SORCS1: variants seen among roughly 807,000 people sequenced by gnomAD.
The protein encoded by SORCS1 is sortilin related VPS10 domain containing receptor 1, also known as VPS10 domain-containing receptor SorCS1.
In SORCS1, 60 loss-of-function variants were observed where a neutral mutation model predicts 146.1. That is an observed-to-expected ratio of 0.41 (90% CI 0.33 to 0.51). The LOEUF is 0.51. Among genes scored for constraint, SORCS1 ranks in the 20% least tolerant of loss-of-function variants. The pLI is 0.21. For missense variants in SORCS1, 1,352 were observed against 1,487.6 expected (o/e 0.91, Z 1.50); for synonymous variants, 637 against 584.0 (o/e 1.09, Z -1.31).
chr10:106,837,792 GT>G (rs925928481), intron 2 of SORCS1, among the ~76,000 whole-genome samples: 3 of 151,576 alleles, frequency 2.0e-5, no homozygotes, highest in Non-Finnish European at 4.4e-5. Flanking sequence ...ACTTGGAAAG[GT>G]TTTTTTCCAG....
intron 1 of SORCS1, among the ~76,000 whole-genome samples, chr10:107,044,260 A>G (rs1422946559): frequency 6.6e-6 from 1 of 152,110 alleles, no homozygotes; most frequent in African/African-American, 2.4e-5. Context: ...TAAACAAGAA[A>G]ACAAGGAAAA....
intron 1 of SORCS1, among the ~76,000 whole-genome samples, chr10:107,099,500 G>A (rs1489572826): frequency 6.6e-6 from 1 of 152,028 alleles, no homozygotes; most frequent in East Asian, 1.9e-4. Flanking sequence ...TTTAAATTAA[G>A]TCAAATTAAA....
At chr10:107,159,073 C>T (rs1469925653) in intron 1 of SORCS1, among the ~76,000 whole-genome samples, 1 of 151,972 alleles carries the variant, frequency 6.6e-6, no homozygotes, top group African/African-American at 2.4e-5. Flanking sequence ...TACAATAAAC[C>T]CAATAAACTA....
chr10:106,709,181 G>A (rs185588958), intron 7 of SORCS1, 42 bp downstream of exon 7: 7 of 1,470,818 alleles, frequency 4.8e-6, no homozygotes, highest in Non-Finnish European at 6.7e-6. Context: ...ACAAGGAAAA[G>A]AAAGGTTTCT....
chr10:106,709,732 G>C (rs1430195105), intron 6 of SORCS1, among the ~76,000 whole-genome samples: 2 of 152,170 alleles, frequency 1.3e-5, no homozygotes, highest in African/African-American at 4.8e-5. Context: ...ACAGGCGTGA[G>C]CCACCGCGCC....
At chr10:106,706,671 T>G in intron 7 of SORCS1, 37 bp from the exon 8 acceptor site, 340 of 1,526,942 alleles carry the variant, frequency 2.2e-4, no homozygotes, top group Non-Finnish European at 2.9e-4. Flanking sequence ...AAGCTCGAGC[T>G]ACTGTAACAG....
intron 1 of SORCS1, among the ~76,000 whole-genome samples, chr10:107,050,019 T>C (rs186178507): frequency 1.3e-5 from 2 of 152,324 alleles, no homozygotes; most frequent in Admixed American, 6.5e-5. Context: ...TTTCCACAAG[T>C]GTACATGCAT....
chr10:106,912,010 G>T (rs1342433365), intron 2 of SORCS1, among the ~76,000 whole-genome samples: 3 of 151,804 alleles, frequency 2.0e-5, no homozygotes, highest in Non-Finnish European at 4.4e-5. Context: ...CTACTCAGGA[G>T]GCTGAGACAG....
intron 4 of SORCS1, among the ~76,000 whole-genome samples, chr10:106,767,799 G>T (rs1859693327): frequency 6.6e-6 from 1 of 152,064 alleles, no homozygotes; most frequent in African/African-American, 2.4e-5. Context: ...CCCCTTAAAG[G>T]TTCTTAAAGA....
intron 5 of SORCS1, among the ~76,000 whole-genome samples, chr10:106,748,404 A>C (rs1857904378): frequency 6.6e-6 from 1 of 152,182 alleles, no homozygotes; most frequent in African/African-American, 2.4e-5. Flanking sequence ...ATAAGACTGC[A>C]AACTTAATTG....
At chr10:107,128,466 C>A (rs1966832324) in intron 1 of SORCS1, among the ~76,000 whole-genome samples, 1 of 152,146 alleles carries the variant, frequency 6.6e-6, no homozygotes, top group Admixed American at 6.5e-5. Context: ...AGTGTTTGAT[C>A]CCATCACTGT....
intron 1 of SORCS1, among the ~76,000 whole-genome samples, chr10:107,010,972 T>C (rs367561443): frequency 1.3e-5 from 2 of 152,148 alleles, no homozygotes; most frequent in African/African-American, 4.8e-5. Context: ...CTGAACCACA[T>C]GGAGCCAAGC....
chr10:107,172,157 A>G, the SORCS1 span, among the ~76,000 whole-genome samples: 2 of 152,090 alleles, frequency 1.3e-5, no homozygotes, highest in African/African-American at 4.8e-5. Flanking sequence ...CTTTTTCTCC[A>G]TTTCTCCATC....
At position 106,722,958 on chromosome 10, in the gene SORCS1, C is replaced by A. The variant is rs1053048413; in HGVS notation, c.1024+7092G>T. ...CATCTGTTAGTGCTCCAGGACTCCA[C>A]AGACCCAGTGGTTAAAGATCCTTCT... On this transcript the variant is annotated intron_variant, in intron 6 of 25. Coordinates refer to ENST00000263054, the MANE Select transcript of SORCS1 (RefSeq NM_052918.5). Among the ~76,000 whole-genome samples the A allele has an allele frequency of 3.3e-5, 5 of 152,292 alleles. No individual in the cohort carries two copies. The East Asian group carries it at 9.7e-4, about 29-fold the overall frequency.
chr10:107,112,595 G>T lies in SORCS1; in HGVS notation c.558+51374C>A, dbSNP rs749313018. 2.6e-5 allele frequency among the ~76,000 whole-genome samples: 4 copies of T among 152,148 alleles called. No homozygotes were observed. The South Asian group carries it at 8.3e-4, about 32-fold the overall frequency. On this transcript the variant is annotated intron_variant, in intron 1 of 25. Coordinates refer to ENST00000263054, the MANE Select transcript of SORCS1 (RefSeq NM_052918.5). ...AACTCTCTAAAGATACAGAGTGTCT[G>T]AATGGGTTAAAAAAAATCAACAATA...
chr10:107,073,415 C>T (rs1035362523), intron 1 of SORCS1, among the ~76,000 whole-genome samples: 3 of 152,072 alleles, frequency 2.0e-5, no homozygotes, highest in Admixed American at 1.3e-4. Flanking sequence ...GGCCACTGCC[C>T]TCAAGGATTC....
rs562333349 is a variant in SORCS1, at chr10:106,906,645, C to T, written c.626+49868G>A. Among the ~76,000 whole-genome samples, 340 of 152,296 alleles carry T rather than the reference C, an allele frequency of 2.2e-3. 1 individual carries two copies. The highest frequency in any genetic ancestry group is 2.5e-3 in the Non-Finnish European group (167 of 68,014). ...TGATTGAATTACCTTCCCCTGGGTCCCTTCCACAACACGTGGGAATTCTGG... is the reference window on the plus strand; with the variant it reads ...TGATTGAATTACCTTCCCCTGGGTCTCTTCCACAACACGTGGGAATTCTGG... On this transcript the variant is annotated intron_variant, in intron 2 of 25. Transcript: ENST00000263054.
At chr10:106,810,537 G>C (rs978276683) in intron 3 of SORCS1, among the ~76,000 whole-genome samples, 13 of 152,176 alleles carry the variant, frequency 8.5e-5, no homozygotes, top group African/African-American at 7.2e-5. Flanking sequence ...TGGAATAATG[G>C]AGTGGAACTT....
chr10:106,859,183 C>T (rs993021988), intron 2 of SORCS1, among the ~76,000 whole-genome samples: 1 of 152,222 alleles, frequency 6.6e-6, no homozygotes, highest in Non-Finnish European at 1.5e-5. Flanking sequence ...AGGGATGCCA[C>T]TCCTGACCAT....
Sources: allele counts gnomAD v4.1 joint callset (sites outside exome capture counted in the v4.1 genomes callset), GRCh38; gene constraint gnomAD v4.1.1; transcripts MANE v1.5; gene names NCBI Gene and HGNC (gene_info 2026-07-23, HGNC 2026-07-21).